Variants in MARCHF11 observed in about 807,000 individuals in gnomAD.
MARCHF11 encodes the protein E3 ubiquitin-protein ligase MARCHF11.
In MARCHF11, 29 loss-of-function variants were observed where a neutral mutation model predicts 37.3. The observed-to-expected ratio is 0.78, with a 90% CI of 0.58 to 1.06. The LOEUF is 1.06. Ranked by LOEUF, MARCHF11 falls within the 50% of genes least tolerant of loss-of-function variation. The probability of loss-of-function intolerance (pLI) is 0.00; values close to 1 mark genes in which losing one functional copy is unlikely to be tolerated. For synonymous variants in MARCHF11, 233 were observed against 228.0 expected (o/e 1.02, Z -0.20); for missense variants, 482 against 533.4 (o/e 0.90, Z 0.95).
chr5:16,095,279 C>T (rs889854678), intron 2 of MARCHF11, among the ~76,000 whole-genome samples: 1 of 152,108 alleles, frequency 6.6e-6, no homozygotes, highest in Non-Finnish European at 1.5e-5. Flanking sequence ...ATTCCTAATG[C>T]AAGGGGAGAT....
chr5:16,150,040 T>A lies in MARCHF11; in HGVS notation c.693+27686A>T, dbSNP rs370729529. Among the ~76,000 whole-genome samples the A allele has an allele frequency of 3.3e-5, 5 of 149,360 alleles. 1 individual carries two copies. Among genetic ancestry groups the A allele is most frequent in the East Asian group, 1.9e-4 (1 of 5,148 alleles). On this transcript the variant is annotated intron_variant, in intron 2 of 3. Transcript: ENST00000332432. ...TGTGGGGCTGTCTACTCGGAGGGAA[T>A]ACATGGAAGCCTGTTGGGAACTGAA...
chr5:16,179,198 C>T lies in MARCHF11; in HGVS notation c.378G>A (p.Ala126=). ...KGGPGESEAG[A]GGERERRGAG... is the part of the protein sequence containing the mutation. The stretch of plus-strand genomic sequence containing the variant: ...CGCCCCGCCGCTCGCGCTCGCCGCC[C>T]GCGCCGGCCTCAGACTCCCCGGGGC... The change falls in exon 1 of 4, where the codon GCG becomes GCA. Residue 126 remains alanine, a synonymous_variant. Transcript: ENST00000332432. The T allele has an allele frequency of 7.5e-7, 1 of 1,340,876 alleles. No individual in the cohort carries two copies. Among genetic ancestry groups the T allele is most frequent in the Non-Finnish European group, 9.5e-7 (1 of 1,054,128 alleles). 83.1% of individuals were successfully genotyped at this position (1,340,876 alleles called of 1,614,324 possible). A position where few individuals can be genotyped will look rare whatever the true frequency, so the allele number is the denominator to read the frequency against.
chr5:16,153,185 G>A (rs1737916889), intron 2 of MARCHF11, among the ~76,000 whole-genome samples: 3 of 152,026 alleles, frequency 2.0e-5, no homozygotes, highest in Admixed American at 2.0e-4. Context: ...ATCAGAAATG[G>A]CTTGGAGGAC....
intron 2 of MARCHF11, among the ~76,000 whole-genome samples, chr5:16,092,248 T>A (rs1191863858): frequency 1.3e-5 from 2 of 152,364 alleles, no homozygotes; most frequent in African/African-American, 4.8e-5. Context: ...AATTTACATG[T>A]AACATTTTTA....
chr5:16,136,795 T>C (rs546694016), intron 2 of MARCHF11, among the ~76,000 whole-genome samples: 1 of 152,180 alleles, frequency 6.6e-6, no homozygotes, highest in African/African-American at 2.4e-5. Context: ...AAAATATATA[T>C]ACTACAATCA....
chr5:16,157,609 G>A (rs1737998815), intron 2 of MARCHF11, among the ~76,000 whole-genome samples: 1 of 151,882 alleles, frequency 6.6e-6, no homozygotes, highest in Non-Finnish European at 1.5e-5. Flanking sequence ...TTCAATAAAT[G>A]GTTTTGGGGA....
intron 2 of MARCHF11, among the ~76,000 whole-genome samples, chr5:16,146,427 T>C: frequency 6.6e-6 from 1 of 152,182 alleles, no homozygotes; most frequent in South Asian, 2.1e-4. Flanking sequence ...CGGATGGTTT[T>C]GAAAAGAGTA....
chr5:16,121,646 A>T, intron 2 of MARCHF11, among the ~76,000 whole-genome samples: 1 of 152,282 alleles, frequency 6.6e-6, no homozygotes, highest in East Asian at 1.9e-4. Context: ...TAATTACAGA[A>T]GGGCCAAGGT....
chr5:16,142,811 C>CCTCCCGAGTAGCTGAGATTACAGACAT (rs1737734036), intron 2 of MARCHF11, among the ~76,000 whole-genome samples: 1 of 149,306 alleles, frequency 6.7e-6, no homozygotes, highest in Non-Finnish European at 1.5e-5. Context: ...CCTGCCTCAG[C>CCTCCCGAGTAGCTGAGATTACAGACAT]CTCCCGAGTA....
At chr5:16,129,635 A>G (rs1354667410) in intron 2 of MARCHF11, among the ~76,000 whole-genome samples, 1 of 152,154 alleles carries the variant, frequency 6.6e-6, no homozygotes, top group African/African-American at 2.4e-5. Context: ...TGGCTCAGCG[A>G]TATTTTATTT....
chr5:16,110,252 A>T (rs1024169425), intron 2 of MARCHF11, among the ~76,000 whole-genome samples: 1 of 152,220 alleles, frequency 6.6e-6, no homozygotes, highest in Non-Finnish European at 1.5e-5. Context: ...ATACAATTTT[A>T]AAGGTCCCCT....
chr5:16,146,509 G>A (rs919709690), intron 2 of MARCHF11, among the ~76,000 whole-genome samples: 1 of 152,110 alleles, frequency 6.6e-6, no homozygotes, highest in African/African-American at 2.4e-5. Flanking sequence ...GAGAACAGTA[G>A]AAAGACCCTG....
chr5:16,095,045 T>C (rs1380223025), intron 2 of MARCHF11, among the ~76,000 whole-genome samples: 2 of 152,200 alleles, frequency 1.3e-5, no homozygotes, highest in Non-Finnish European at 2.9e-5. Context: ...ACCCAGGTAT[T>C]CTGGCTTCCA....
At chr5:16,076,676 C>T (rs1021515376) in intron 3 of MARCHF11, among the ~76,000 whole-genome samples, 1 of 152,146 alleles carries the variant, frequency 6.6e-6, no homozygotes, top group Non-Finnish European at 1.5e-5. Flanking sequence ...ATAATTTAAT[C>T]CAACCCTCTC....
intron 2 of MARCHF11, among the ~76,000 whole-genome samples, chr5:16,163,655 T>C (rs1378618283): frequency 1.3e-5 from 2 of 151,790 alleles, no homozygotes; most frequent in African/African-American, 4.8e-5. Flanking sequence ...AAAGATAAGT[T>C]GAGTAGCTAT....
Position 16,179,462 on chromosome 5 carries a change from C to G in MARCHF11, c.114G>C (p.Glu38Asp), listed in dbSNP as rs1299252377. Residue 38 changes from glutamate to aspartate, a missense_variant, in exon 1 of 4, where the codon GAG becomes GAC. By Grantham distance (45) the Glu-to-Asp change is conservative (BLOSUM62 2). Transcript: ENST00000332432. Reference sequence around the variant, plus strand: ...GCGGGGCCGCGGGGACCGGGGCCGGCTCTCCCGGCGGCGGCGTCGGCGGCG... The same window carrying G: ...GCGGGGCCGCGGGGACCGGGGCCGGGTCTCCCGGCGGCGGCGTCGGCGGCG... The part of the protein sequence containing the change: ...PPPPPTPPPG[E>D]PAPVPAAPRY... 2 of 1,124,100 alleles carry G rather than the reference C, an allele frequency of 1.8e-6. No homozygotes were observed. The highest frequency in any genetic ancestry group is 4.8e-5 in the East Asian group (1 of 20,762). The allele number at this position is 1,124,100 out of a possible 1,614,324, so 69.6% of individuals were successfully genotyped here.
intron 2 of MARCHF11, among the ~76,000 whole-genome samples, chr5:16,115,653 G>A (rs560378035): frequency 5.3e-5 from 8 of 149,748 alleles, no homozygotes; most frequent in Non-Finnish European, 1.0e-4. Context: ...TTGAGATGGA[G>A]TTTCACTCTT....
chr5:16,074,499 A>T lies in MARCHF11; in HGVS notation c.887-6706T>A, dbSNP rs1222113896. 2.6e-5 allele frequency among the ~76,000 whole-genome samples: 4 copies of T among 152,338 alleles called. No homozygotes were observed. The East Asian group carries it at 7.7e-4, about 29-fold the overall frequency. ...AGATAAATAACATTGATAGACCATTAGCGAGATTAACCAAGACATGTTGGT... is the reference window on the plus strand; with the variant it reads ...AGATAAATAACATTGATAGACCATTTGCGAGATTAACCAAGACATGTTGGT... On this transcript the variant is annotated intron_variant, in intron 3 of 3. Coordinates refer to ENST00000332432, the MANE Select transcript of MARCHF11 (RefSeq NM_001102562.3).
intron 2 of MARCHF11, among the ~76,000 whole-genome samples, chr5:16,173,102 G>T (rs1738297822): frequency 6.6e-6 from 1 of 152,164 alleles, no homozygotes; most frequent in Non-Finnish European, 1.5e-5. Flanking sequence ...AATAACAAAG[G>T]CCAAAGCCTA....
Sources: allele counts gnomAD v4.1 joint callset (sites outside exome capture counted in the v4.1 genomes callset), GRCh38; gene constraint gnomAD v4.1.1; transcripts MANE v1.5; gene names NCBI Gene and HGNC (gene_info 2026-07-23, HGNC 2026-07-21).